Variants in FANCB observed in about 807,000 individuals in gnomAD.
FANCB encodes Fanconi anemia group B protein.
A neutral mutation model predicts 38.9 loss-of-function variants in FANCB; 5 were observed. That is an observed-to-expected ratio of 0.13 (90% CI 0.07 to 0.27). The LOEUF is 0.27. FANCB is among the 10% of genes least tolerant of loss of function. FANCB has a pLI of 1.00. For missense variants in FANCB, 573 were observed against 602.7 expected, an observed-to-expected ratio of 0.95 and a Z score of 0.52; for synonymous variants, 236 against 215.4, an observed-to-expected ratio of 1.10 and a Z score of -0.84.
chrX:14,873,019 G>C lies in FANCB; in HGVS notation c.-225C>G, dbSNP rs1330974836. ...AGCGGCAACATACCGGAGGCCCCACGTCGATACGGTATCCATCTGCTCCAA... is the reference window on the plus strand; with the variant it reads ...AGCGGCAACATACCGGAGGCCCCACCTCGATACGGTATCCATCTGCTCCAA... On this transcript the variant is annotated 5_prime_UTR_variant, in exon 1 of 10. Coordinates refer to ENST00000650831, the MANE Select transcript of FANCB (RefSeq NM_001018113.3). 18 of 126,255 alleles carry C rather than the reference G, an allele frequency of 1.4e-4. No homozygotes were observed. The highest frequency in any genetic ancestry group is 4.9e-5 in the Non-Finnish European group (3 of 61,588). 10.4% of individuals were successfully genotyped at this position (126,255 alleles called of 1,213,427 possible). A position where few individuals can be genotyped will look rare whatever the true frequency, so the allele number is the denominator to read the frequency against.
chrX:14,753,160 C>T, the FANCB span, among the ~76,000 whole-genome samples: 1 of 111,424 alleles, frequency 9.0e-6, no homozygotes, highest in Non-Finnish European at 1.9e-5. Flanking sequence ...ATTAATATCG[C>T]CACCATATTT....
downstream of FANCB, chrX:14,834,567 T>C (rs772587904): frequency 8.7e-5 from 45 of 516,728 alleles, no homozygotes; most frequent in Non-Finnish European, 1.5e-4. Context: ...TGGCTTCCCT[T>C]TGGGAAGAGA....
At chrX:14,861,214 T>C (rs1241774740) in intron 3 of FANCB, among the ~76,000 whole-genome samples, 1 of 111,538 alleles carries the variant, frequency 9.0e-6, no homozygotes, top group Non-Finnish European at 1.9e-5. Context: ...GCCTGCCACA[T>C]AGATTCTTGT....
the FANCB span, among the ~76,000 whole-genome samples, chrX:14,725,938 AT>A: frequency 2.7e-5 from 3 of 112,629 alleles, no homozygotes; most frequent in Admixed American, 2.8e-4. Flanking sequence ...TTCTGTGAGA[AT>A]TTAACTAATC....
At chrX:14,872,505 A>C (rs971332634) in intron 1 of FANCB, among the ~76,000 whole-genome samples, 50 of 110,469 alleles carry the variant, frequency 4.5e-4, no homozygotes, top group African/African-American at 1.5e-3. Context: ...TGTACACTGG[A>C]GGATGTTTGG....
the FANCB span, among the ~76,000 whole-genome samples, chrX:14,700,704 C>G: frequency 9.1e-6 from 1 of 110,456 alleles, no homozygotes; most frequent in Admixed American, 9.7e-5. Flanking sequence ...GAAGTGAGGA[C>G]ATTGAATGCA....
At chrX:14,757,573 C>T in the FANCB span, among the ~76,000 whole-genome samples, 1 of 111,927 alleles carries the variant, frequency 8.9e-6, no homozygotes, top group South Asian at 3.8e-4. Flanking sequence ...CACTGGGGAA[C>T]CTGGAGGTCC....
chrX:14,691,271 C>CTGTGTG, the FANCB span, among the ~76,000 whole-genome samples: 255 of 85,260 alleles, frequency 3.0e-3, no homozygotes, highest in Non-Finnish European at 4.2e-3. Flanking sequence ...TAAATATTGA[C>CTGTGTG]TGTGTGTGTG....
the FANCB span, among the ~76,000 whole-genome samples, chrX:14,691,338 CGTGT>C: frequency 2.1e-5 from 2 of 93,371 alleles, no homozygotes; most frequent in Non-Finnish European, 2.1e-5. Flanking sequence ...CGCGTGCGTG[CGTGT>C]ACATCACTGA....
At chrX:14,730,933 CACACACACACACACACAA>C in the FANCB span, 2 of 107,578 alleles carry the variant, frequency 1.9e-5, no homozygotes, top group Admixed American at 1.9e-4. Flanking sequence ...CACACACACA[CACACACACACACACACAA>C]ACTTCAAAAA....
the FANCB span, among the ~76,000 whole-genome samples, chrX:14,791,530 T>C: frequency 8.9e-6 from 1 of 112,042 alleles, no homozygotes; most frequent in African/African-American, 3.2e-5. Flanking sequence ...ACAACAGCTC[T>C]AGCAAACTAA....
downstream of FANCB, among the ~76,000 whole-genome samples, chrX:14,832,236 C>T (rs2092329097): frequency 8.9e-6 from 1 of 111,847 alleles, no homozygotes; most frequent in South Asian, 3.8e-4. Context: ...CTTACCTCTT[C>T]CTACCTTCTG....
chrX:14,732,158 C>T, the FANCB span, among the ~76,000 whole-genome samples: 1 of 111,010 alleles, frequency 9.0e-6, no homozygotes, highest in Admixed American at 9.6e-5. Flanking sequence ...TCCTGTGTTA[C>T]TTTGCTGAGA....
intron 7 of FANCB, among the ~76,000 whole-genome samples, chrX:14,849,549 G>C (rs1011295045): frequency 3.6e-5 from 4 of 112,014 alleles, no homozygotes; most frequent in African/African-American, 6.5e-5. Flanking sequence ...CTCTTTGTTA[G>C]ACTGCAGATA....
the FANCB span, among the ~76,000 whole-genome samples, chrX:14,777,565 C>G: frequency 1.8e-5 from 2 of 112,022 alleles, no homozygotes; most frequent in Non-Finnish European, 3.8e-5. Flanking sequence ...ATTACTCTGG[C>G]TTTCTCTTTG....
At chrX:14,703,133 A>G in the FANCB span, among the ~76,000 whole-genome samples, 1 of 112,007 alleles carries the variant, frequency 8.9e-6, no homozygotes, top group Non-Finnish European at 1.9e-5. Context: ...GCTATTTTTA[A>G]AATAATGGAA....
At chrX:14,772,029 C>A in the FANCB span, among the ~76,000 whole-genome samples, 1 of 110,861 alleles carries the variant, frequency 9.0e-6, no homozygotes, top group African/African-American at 3.3e-5. Flanking sequence ...CCCCACATAC[C>A]TGTAGGAGGT....
the FANCB span, among the ~76,000 whole-genome samples, chrX:14,708,373 A>G: frequency 9.0e-6 from 1 of 111,655 alleles, no homozygotes; most frequent in African/African-American, 3.3e-5. Flanking sequence ...TACCCTCAAG[A>G]GGCAGTCACA....
At chrX:14,803,031 T>C in the FANCB span, among the ~76,000 whole-genome samples, 1 of 112,434 alleles carries the variant, frequency 8.9e-6, no homozygotes. Flanking sequence ...GAAATGAATT[T>C]CAGACAGAGA....
Sources: gnomAD v4.1 joint callset for allele counts (sites outside exome capture counted in the v4.1 genomes callset) on GRCh38, gnomAD v4.1.1 for gene constraint, MANE v1.5 for transcripts, NCBI Gene and HGNC (gene_info 2026-07-23, HGNC 2026-07-21) for gene names.